The following MYMX variants were observed in gnomAD, a reference collection of about 807,000 sequenced individuals.
The protein encoded by MYMX is protein myomixer.
At chr6:44,207,173 T>G in the MYMX span, among the ~76,000 whole-genome samples, 1 of 152,244 alleles carries the variant, frequency 6.6e-6, no homozygotes, top group East Asian at 1.9e-4. Flanking sequence ...TTTACTTTTT[T>G]TTTTTGAGAC....
chr6:44,199,026 C>A, the MYMX span, among the ~76,000 whole-genome samples: 1 of 152,156 alleles, frequency 6.6e-6, no homozygotes, highest in Non-Finnish European at 1.5e-5. Flanking sequence ...CACTGACCAG[C>A]AATTCCCCCT....
the MYMX span, among the ~76,000 whole-genome samples, chr6:44,211,747 A>C: frequency 6.8e-6 from 1 of 147,990 alleles, no homozygotes; most frequent in Non-Finnish European, 1.5e-5. Context: ...CCTCCTGCGT[A>C]GCTGGGATTA....
chr6:44,215,067 G>A (rs1582909693), upstream of MYMX, among the ~76,000 whole-genome samples: 1 of 152,236 alleles, frequency 6.6e-6, no homozygotes, highest in East Asian at 1.9e-4. Context: ...GGTAGAAGTG[G>A]GACAGGCCTT....
the MYMX span, among the ~76,000 whole-genome samples, chr6:44,198,517 A>G: frequency 1.4e-5 from 2 of 142,518 alleles, no homozygotes; most frequent in African/African-American, 5.2e-5. Context: ...TTATTTACTT[A>G]TTTATTTTTT....
At chr6:44,204,157 G>A in the MYMX span, among the ~76,000 whole-genome samples, 3 of 152,128 alleles carry the variant, frequency 2.0e-5, no homozygotes, top group Non-Finnish European at 4.4e-5. Flanking sequence ...TGGAACTTAC[G>A]TTTTAGTAAG....
Position 44,217,632 on chromosome 6 carries a change from T to C in MYMX, c.161T>C (p.Leu54Pro), listed in dbSNP as rs1254332117. 5.0e-6 allele frequency: 2 copies of C among 401,070 alleles called. No individual in the cohort carries two copies. The highest frequency in any genetic ancestry group is 3.1e-4 in the Middle Eastern group (1 of 3,246). The allele number at this position is 401,070 out of a possible 1,614,324, so 24.8% of individuals were successfully genotyped here. The change falls in exon 2 of 2, where the codon CTG becomes CCG. Residue 54 changes from leucine to proline, a missense_variant. Physicochemically the swap from Leu to Pro is moderately conservative, Grantham distance 98 (BLOSUM62 -3). Coordinates refer to ENST00000573382, the MANE Select transcript of MYMX (RefSeq NM_001315494.2). ...CGAGAGGCTTTGCTGGGCTGTCTGC[T>C]GTTCATTCTCAGCCAGCGACACTCG... The part of the protein sequence containing the change: ...DMREALLGCL[L>P]FILSQRHSPD...
chr6:44,194,096 G>T, the MYMX span, among the ~76,000 whole-genome samples: 1 of 152,074 alleles, frequency 6.6e-6, no homozygotes, highest in Non-Finnish European at 1.5e-5. Flanking sequence ...AATATTTTCT[G>T]TTCTTTGATA....
chr6:44,193,710 C>T, the MYMX span, among the ~76,000 whole-genome samples: 182 of 152,314 alleles, frequency 1.2e-3, 1 homozygote, highest in South Asian at 0.022. Flanking sequence ...TGGCCAGGCG[C>T]GGTGACTCAT....
rs1775956405 is a variant in MYMX at position 44,217,686 on chromosome 6, A to C, written c.215A>C (p.Asp72Ala). 5.0e-6 allele frequency: 2 copies of C among 400,866 alleles called. No individual in the cohort carries two copies. Among genetic ancestry groups the C allele is most frequent in the African/African-American group, 4.1e-5 (2 of 48,704 alleles). 24.8% of individuals were successfully genotyped at this position (400,866 alleles called of 1,614,324 possible). Residue 72 changes from aspartate to alanine, a missense_variant, in exon 2 of 2, where the codon GAC becomes GCC. Physicochemically the swap from Asp to Ala is moderately radical, Grantham distance 126 (BLOSUM62 -2). Transcript: ENST00000573382. The stretch of plus-strand genomic sequence containing the variant: ...GACGCTGGGGAGGCCTCAAGAGTGG[A>C]CCGCCTGGAGAGGAGGGAGAGGTTA... ...SPDAGEASRV[D>A]RLERRERLGP... is the part of the protein sequence containing the mutation.
At chr6:44,209,109 G>A in the MYMX span, among the ~76,000 whole-genome samples, 25 of 152,206 alleles carry the variant, frequency 1.6e-4, no homozygotes, top group Middle Eastern at 3.4e-3. Flanking sequence ...GACTACAGGC[G>A]CATGCTGCCA....
At chr6:44,196,602 C>G in the MYMX span, among the ~76,000 whole-genome samples, 1 of 152,134 alleles carries the variant, frequency 6.6e-6, no homozygotes, top group African/African-American at 2.4e-5. Context: ...TCACTTGCAC[C>G]CGGGAGGCGG....
chr6:44,208,904 A>T, the MYMX span, among the ~76,000 whole-genome samples: 3 of 152,210 alleles, frequency 2.0e-5, no homozygotes, highest in Non-Finnish European at 2.9e-5. Flanking sequence ...ACCTAGGAAT[A>T]GGCCCTATGA....
the MYMX span, among the ~76,000 whole-genome samples, chr6:44,195,772 T>A: frequency 1.3e-3 from 195 of 152,364 alleles, 1 homozygote; most frequent in South Asian, 0.025. Flanking sequence ...TGTATCATGT[T>A]TTTGATACTT....
chr6:44,210,443 C>A, the MYMX span, among the ~76,000 whole-genome samples: 2 of 152,016 alleles, frequency 1.3e-5, no homozygotes, highest in African/African-American at 4.8e-5. Flanking sequence ...CCACTCCTGG[C>A]TGATGGTTTT....
the MYMX span, among the ~76,000 whole-genome samples, chr6:44,207,794 G>C: frequency 5.9e-5 from 9 of 151,586 alleles, no homozygotes; most frequent in African/African-American, 2.2e-4. Context: ...GCCTCCCAAA[G>C]TGTTGGGATT....
the MYMX span, among the ~76,000 whole-genome samples, chr6:44,206,890 A>G: frequency 6.6e-6 from 1 of 152,122 alleles, no homozygotes; most frequent in Non-Finnish European, 1.5e-5. Flanking sequence ...ATGAAGTGAC[A>G]GGAGTATTCT....
the MYMX span, chr6:44,209,975 G>T: frequency 6.8e-6 from 1 of 147,606 alleles, no homozygotes; most frequent in Non-Finnish European, 1.5e-5. Flanking sequence ...GAGAAGGAGT[G>T]TTGCTCTGTC....
chr6:44,204,986 GA>G, the MYMX span, among the ~76,000 whole-genome samples: 1 of 152,178 alleles, frequency 6.6e-6, no homozygotes, highest in Non-Finnish European at 1.5e-5. Context: ...TGATGTGCAG[GA>G]AGCCAAACAG....
chr6:44,206,421 G>A, the MYMX span, among the ~76,000 whole-genome samples: 4 of 149,896 alleles, frequency 2.7e-5, no homozygotes, highest in African/African-American at 7.6e-5. Flanking sequence ...TAGTAGAGAC[G>A]GGGTTTTGCT....
Sources: allele counts gnomAD v4.1 joint callset (sites outside exome capture counted in the v4.1 genomes callset), GRCh38; gene constraint gnomAD v4.1.1; transcripts MANE v1.5; gene names NCBI Gene and HGNC (gene_info 2026-07-23, HGNC 2026-07-21).